Variants in NAT10 observed in about 807,000 individuals in gnomAD.
NAT10 encodes the protein RNA cytidine acetyltransferase.
NAT10 carries 109 observed loss-of-function variants against 132.2 expected under a neutral mutation model. That is an observed-to-expected ratio of 0.82 (90% confidence interval 0.71 to 0.97). The LOEUF is 0.97. Among genes scored for constraint, NAT10 ranks in the 50% least tolerant of loss-of-function variants. NAT10 has a pLI of 0.00. For missense variants in NAT10, 1,184 were observed against 1,263.4 expected, an observed-to-expected ratio of 0.94 and a Z score of 0.95; for synonymous variants, 479 against 478.0, an observed-to-expected ratio of 1.00 and a Z score of -0.03.
intron 5 of NAT10, among the ~76,000 whole-genome samples, chr11:34,114,538 C>T (rs1009011793): frequency 6.6e-6 from 1 of 152,196 alleles, no homozygotes; most frequent in East Asian, 1.9e-4. Flanking sequence ...GTCATTACTT[C>T]TCCCTTCATC....
chr11:34,125,203 T>G (rs1285161734), intron 11 of NAT10, among the ~76,000 whole-genome samples: 1 of 152,230 alleles, frequency 6.6e-6, no homozygotes, highest in Non-Finnish European at 1.5e-5. Context: ...TTCTAGAATC[T>G]CTTCATTCTG....
chr11:34,113,903 T>C, intron 5 of NAT10, 65 bp downstream of exon 5: 1 of 1,584,208 alleles, frequency 6.3e-7, no homozygotes, highest in Non-Finnish European at 8.6e-7. Flanking sequence ...TGTGTTCTGC[T>C]TTCTTTAAAG....
intron 11 of NAT10, among the ~76,000 whole-genome samples, chr11:34,126,217 C>T (rs899009573): frequency 6.6e-6 from 1 of 152,166 alleles, no homozygotes; most frequent in African/African-American, 2.4e-5. Flanking sequence ...ACTAAAACAT[C>T]ACAAATACAG....
In NAT10 at chr11:34,146,288, C is replaced by T. The variant is rs962167789; in HGVS notation, c.*96C>T. 3.3e-5 allele frequency: 30 copies of T among 895,716 alleles called. No homozygotes were observed. The highest frequency in any genetic ancestry group is 1.4e-4 in the African/African-American group (8 of 58,854). The allele number at this position is 895,716 out of a possible 1,614,324, so 55.5% of individuals were successfully genotyped here. On this transcript the variant is annotated 3_prime_UTR_variant, in exon 29 of 29. Transcript: ENST00000257829. ...GACTGTTAAAAGCAACGAGAGGCCCCGGCACACCTGGAAGCTGGCCGCGAA... is the reference window on the plus strand; with the variant it reads ...GACTGTTAAAAGCAACGAGAGGCCCTGGCACACCTGGAAGCTGGCCGCGAA...
chr11:34,120,202 C>G (rs1053638642), intron 8 of NAT10, among the ~76,000 whole-genome samples: 19 of 90,974 alleles, frequency 2.1e-4, no homozygotes, highest in Admixed American at 7.2e-4. Context: ...CCACTTTTTA[C>G]TTGGATTTTG....
At chr11:34,134,673 C>A in intron 18 of NAT10, 87 bp downstream of exon 18, 3 of 1,072,038 alleles carry the variant, frequency 2.8e-6, no homozygotes, top group African/African-American at 1.6e-5. Flanking sequence ...AGAAGCTGGT[C>A]AAGCAGAAGC....
rs751841451 is a variant in NAT10 at position 34,141,783 on chromosome 11, T to G, written c.2777T>G (p.Met926Arg). ...ATGGTGGCAGCGAAGGATGTGGTCATGGAGCCCACGATGAAGACCCTCAGT... is the reference window on the plus strand; with the variant it reads ...ATGGTGGCAGCGAAGGATGTGGTCAGGGAGCCCACGATGAAGACCCTCAGT... ...EQMVAAKDVV[M>R]EPTMKTLSDD... is the part of the protein sequence containing the mutation. The change falls in exon 26 of 29, where the codon ATG becomes AGG. Residue 926 changes from methionine (M) to arginine (R), a missense_variant. Physicochemically the swap from Met to Arg is moderately conservative, Grantham distance 91. Transcript: ENST00000257829. 2.5e-6 allele frequency: 4 copies of G among 1,614,022 alleles called. No individual in the cohort carries two copies. The South Asian group carries it at 4.4e-5, about 18-fold the overall frequency.
intron 3 of NAT10, among the ~76,000 whole-genome samples, chr11:34,111,000 T>C (rs1851684736): frequency 6.6e-6 from 1 of 152,242 alleles, no homozygotes; most frequent in South Asian, 2.1e-4. Context: ...TTAATACAGA[T>C]TGAGAATAAG....
At chr11:34,125,022 T>C (rs1235284918) in intron 11 of NAT10, among the ~76,000 whole-genome samples, 3 of 152,190 alleles carry the variant, frequency 2.0e-5, no homozygotes. Context: ...ATTTTTGGAA[T>C]TGGGTTGGGA....
intron 21 of NAT10, among the ~76,000 whole-genome samples, chr11:34,137,607 T>C (rs1239177387): frequency 6.6e-6 from 1 of 152,238 alleles, no homozygotes; most frequent in African/African-American, 2.4e-5. Context: ...TTGTCTGTTG[T>C]GTTCATTGCT....
intron 12 of NAT10, among the ~76,000 whole-genome samples, chr11:34,130,198 A>T (rs1406218491): frequency 6.6e-6 from 1 of 152,216 alleles, no homozygotes; most frequent in Non-Finnish European, 1.5e-5. Context: ...AAACTCAACA[A>T]TGAAAGCTGA....
At chr11:34,131,960 C>T (rs867738956) in intron 14 of NAT10, among the ~76,000 whole-genome samples, 165 bp from the exon 15 acceptor site, 5 of 151,984 alleles carry the variant, frequency 3.3e-5, no homozygotes, top group East Asian at 1.9e-4. Context: ...CTGGGATTAC[C>T]GGTGTGAGCC....
chr11:34,133,248 C>G, intron 16 of NAT10, 106 bp downstream of exon 16: 1 of 909,244 alleles, frequency 1.1e-6, no homozygotes, highest in South Asian at 1.4e-5. Context: ...ACTGTGGAGT[C>G]CTGGTCTGGA....
chr11:34,133,988 TAAAAAA>T (rs780216626), intron 16 of NAT10, among the ~76,000 whole-genome samples: 1 of 122,236 alleles, frequency 8.2e-6, no homozygotes, highest in East Asian at 2.3e-4. Context: ...CCTTCTCTAC[TAAAAAA>T]AAAAAAAAAA....
Position 34,136,642 on chromosome 11 carries a change from G to C in NAT10, c.2029G>C (p.Ala677Pro). 17 of 1,614,116 alleles carry C rather than the reference G, an allele frequency of 1.1e-5. No homozygotes were observed. The highest frequency in any genetic ancestry group is 1.4e-5 in the Non-Finnish European group (17 of 1,180,022). The change falls in exon 20 of 29, where the codon GCT (alanine) becomes CCT (proline). Residue 677 changes from alanine to proline, a missense_variant and splice_region_variant. Transcript: ENST00000257829. ...TGTTCTCTCCTTGGCATCTTCCCAG[G>C]CTGTCAGCTTGTTGGAAGAGGTCAT... ...PQEIHTVSSE[A>P]VSLLEEVITP...
intron 12 of NAT10, among the ~76,000 whole-genome samples, chr11:34,129,722 C>T (rs1016896309): frequency 1.3e-4 from 19 of 151,108 alleles, no homozygotes; most frequent in Non-Finnish European, 1.5e-4. Flanking sequence ...ATTTCTCCTG[C>T]CTCAGCCTCT....
intron 8 of NAT10, 70 bp downstream of exon 8, chr11:34,118,573 A>T: frequency 7.6e-7 from 1 of 1,309,016 alleles, no homozygotes. Context: ...AACAGAAGCC[A>T]AGGTACGTTG....
Position 34,136,653 on chromosome 11 carries a change from G to A in NAT10, c.2040G>A (p.Leu680=), listed in dbSNP as rs1459799541. The A allele has an allele frequency of 6.8e-6, 11 of 1,614,064 alleles. No individual in the cohort carries two copies. The highest frequency in any genetic ancestry group is 3.3e-5 in the Admixed American group (2 of 59,984). ...IHTVSSEAVS[L]LEEVITPRKD... ...TGGCATCTTCCCAGGCTGTCAGCTT[G>A]TTGGAAGAGGTCATCACTCCCCGGA... Residue 680 remains leucine, a synonymous_variant, in exon 20 of 29, where the codon TTG becomes TTA. Transcript: ENST00000257829.
At chr11:34,135,114 G>C (rs948844289) in intron 18 of NAT10, 61 bp from the exon 19 acceptor site, 108 of 1,356,144 alleles carry the variant, frequency 8.0e-5, no homozygotes, top group Admixed American at 1.6e-4. Flanking sequence ...GGGAGTCACT[G>C]TGGCTTAGAC....
Sources: allele counts gnomAD v4.1 joint callset (sites outside exome capture counted in the v4.1 genomes callset), GRCh38; gene constraint gnomAD v4.1.1; transcripts MANE v1.5; gene names NCBI Gene and HGNC (gene_info 2026-07-23, HGNC 2026-07-21).